Variants in LMOD1 observed in about 807,000 individuals in gnomAD.
The protein encoded by LMOD1 is leiomodin 1.
LMOD1 carries 8 observed loss-of-function variants against 36.5 expected under a neutral mutation model. The observed-to-expected ratio is 0.22, with a 90% CI of 0.13 to 0.40. The LOEUF is 0.40. Among genes scored for constraint, LMOD1 ranks in the 10% least tolerant of loss-of-function variants. LMOD1 has a pLI of 1.00. For synonymous variants in LMOD1, 284 were observed against 288.7 expected (o/e 0.98, Z 0.17); for missense variants, 630 against 751.1 (o/e 0.84, Z 1.88).
At chr1:201,937,319 C>T (rs1394313623) in intron 1 of LMOD1, among the ~76,000 whole-genome samples, 2 of 151,924 alleles carry the variant, frequency 1.3e-5, no homozygotes, top group South Asian at 2.1e-4. Flanking sequence ...CGGTGGGACA[C>T]ACCTGTAGTC....
At chr1:201,941,157 A>G (rs1682109760) in intron 1 of LMOD1, among the ~76,000 whole-genome samples, 1 of 149,960 alleles carries the variant, frequency 6.7e-6, no homozygotes, top group Non-Finnish European at 1.5e-5. Flanking sequence ...GGGTCTTGCT[A>G]TGTTGCCCAG....
chr1:201,943,938 C>A (rs577813818), intron 1 of LMOD1, among the ~76,000 whole-genome samples: 1 of 152,180 alleles, frequency 6.6e-6, no homozygotes, highest in South Asian at 2.1e-4. Flanking sequence ...CACACACTCA[C>A]TATTTTGTTA....
At chr1:201,937,482 C>CA (rs1303689485) in intron 1 of LMOD1, among the ~76,000 whole-genome samples, 1 of 150,942 alleles carries the variant, frequency 6.6e-6, no homozygotes, top group Non-Finnish European at 1.5e-5. Flanking sequence ...AACAAAAAAA[C>CA]AAAAAACACA....
rs1366619807 is a variant in LMOD1, at chr1:201,900,401, C to A, written c.612G>T (p.Lys204Asn). The change falls in exon 2 of 3, where the codon AAG becomes AAT. Residue 204 changes from lysine to asparagine, a missense_variant. Physicochemically the swap from Lys to Asn is moderately conservative, Grantham distance 94. Transcript: ENST00000367288. Reference sequence around the variant, plus strand: ...CCTTCATCTCCTCTCTCTTTTTATCCTTGTCCCTGCTCAAGCCTGTGTTCC... The same window carrying A: ...CCTTCATCTCCTCTCTCTTTTTATCATTGTCCCTGCTCAAGCCTGTGTTCC... ...SDRNTGLSRDKDKKREEMKEV... is the reference protein window; with the variant it reads ...SDRNTGLSRDNDKKREEMKEV... 2 of 1,565,120 alleles carry A rather than the reference C, an allele frequency of 1.3e-6. No homozygotes were observed. The highest frequency in any genetic ancestry group is 1.7e-6 in the Non-Finnish European group (2 of 1,154,146).
At position 201,901,596 on chromosome 1, in the gene LMOD1, G is replaced by A. The variant is rs6660683; in HGVS notation, c.262-845C>T. Among the ~76,000 whole-genome samples the A allele has an allele frequency of 6.5e-4, 41 of 62,898 alleles. 1 individual carries two copies. Among genetic ancestry groups the A allele is most frequent in the African/African-American group, 7.8e-4 (9 of 11,544 alleles). The allele number at this position is 62,898 out of a possible 152,430, so 41.3% of individuals were successfully genotyped here. A position where few individuals can be genotyped will look rare whatever the true frequency, so the allele number is the denominator to read the frequency against. The stretch of plus-strand genomic sequence containing the variant: ...TATATATATATATACATATATATAT[G>A]TATATATATATATACACATATATAT... On this transcript the variant is annotated intron_variant, in intron 1 of 2. Transcript: ENST00000367288.
chr1:201,898,912 G>A (rs907415510), intron 2 of LMOD1, among the ~76,000 whole-genome samples: 7 of 152,302 alleles, frequency 4.6e-5, no homozygotes, highest in South Asian at 2.1e-4. Flanking sequence ...GGAAGGACCC[G>A]AGGCAAAACT....
rs2486754 is a variant in LMOD1 at position 201,932,067 on chromosome 1, G to A, written c.261+14013C>T. Among the ~76,000 whole-genome samples, 3 of 152,160 alleles carry A rather than the reference G, an allele frequency of 2.0e-5. No individual in the cohort carries two copies. The East Asian group carries it at 5.8e-4, about 29-fold the overall frequency. ...GCTGCTGGGTATGTTCAGTAGCTTGGATGCACAATAGAATTGCTAAATGGT... is the reference window on the plus strand; with the variant it reads ...GCTGCTGGGTATGTTCAGTAGCTTGAATGCACAATAGAATTGCTAAATGGT... On this transcript the variant is annotated intron_variant, in intron 1 of 2. Coordinates refer to ENST00000367288, the MANE Select transcript of LMOD1 (RefSeq NM_012134.3).
chr1:201,946,156 A>C lies in LMOD1; in HGVS notation c.185T>G (p.Val62Gly). ...GTTGAGCATGGCCTCCCGGTTGTAC[A>C]CACCCGTGGACTGTTTCTCCGTCTG... ...RNQTEKQSTGVYNREAMLNFC... is the reference protein window; with the variant it reads ...RNQTEKQSTGGYNREAMLNFC... Residue 62 changes from valine to glycine, a missense_variant, in exon 1 of 3, where the codon GTG (valine) becomes GGG (glycine). By Grantham distance (109) the Val-to-Gly change is moderately radical (BLOSUM62 -3). This residue lies in a region of LMOD1 where 405 missense variants were observed against 400.6 expected (regional missense o/e 1.01). Transcript: ENST00000367288. The C allele has an allele frequency of 6.2e-7, 1 of 1,613,908 alleles. No individual in the cohort carries two copies. The highest frequency in any genetic ancestry group is 8.5e-7 in the Non-Finnish European group (1 of 1,179,888).
chr1:201,914,149 G>A (rs1033423949), intron 1 of LMOD1, among the ~76,000 whole-genome samples: 9 of 152,118 alleles, frequency 5.9e-5, no homozygotes, highest in South Asian at 2.1e-4. Flanking sequence ...CCAGTCACAC[G>A]TGCCAGCCAA....
intron 1 of LMOD1, among the ~76,000 whole-genome samples, chr1:201,901,594 ATG>A (rs1418355437): frequency 4.5e-4 from 4 of 8,960 alleles, no homozygotes; most frequent in Non-Finnish European, 7.2e-4. Flanking sequence ...ACATATATAT[ATG>A]TATATATATA....
Position 201,897,963 on chromosome 1 carries a change from G to A in LMOD1, c.*409C>T, listed in dbSNP as rs917498591. 4 of 183,130 alleles carry A rather than the reference G, an allele frequency of 2.2e-5. No homozygotes were observed. The highest frequency in any genetic ancestry group is 6.0e-5 in the Admixed American group (1 of 16,612). 11.3% of individuals were successfully genotyped at this position (183,130 alleles called of 1,614,324 possible). ...GCCACTGGCCCAGCAGCTTTGCCCC[G>A]TGGGCTCCTCAGAGGCCTGAATCCT... On this transcript the variant is annotated 3_prime_UTR_variant, in exon 3 of 3. Coordinates refer to ENST00000367288, the MANE Select transcript of LMOD1 (RefSeq NM_012134.3).
At chr1:201,908,631 A>G (rs1168539224) in intron 1 of LMOD1, among the ~76,000 whole-genome samples, 4 of 152,072 alleles carry the variant, frequency 2.6e-5, no homozygotes, top group Non-Finnish European at 1.5e-5. Context: ...CTTCTTGTGT[A>G]CTTTCCGAGA....
chr1:201,925,680 TC>T (rs67219263), intron 1 of LMOD1, among the ~76,000 whole-genome samples: 3 of 150,662 alleles, frequency 2.0e-5, no homozygotes, highest in African/African-American at 4.9e-5. Flanking sequence ...TTTTTTTTTT[TC>T]AATCTCTTTC....
intron 1 of LMOD1, among the ~76,000 whole-genome samples, chr1:201,907,454 G>T (rs1681429593): frequency 6.6e-6 from 1 of 152,188 alleles, no homozygotes; most frequent in Admixed American, 6.5e-5. Context: ...TCCTATCTGA[G>T]CCCCTGCCCC....
Position 201,900,197 on chromosome 1 carries a change from C to G in LMOD1, c.816G>C (p.Lys272Asn). The G allele has an allele frequency of 1.2e-6, 2 of 1,613,930 alleles. No homozygotes were observed. The highest frequency in any genetic ancestry group is 1.7e-6 in the Non-Finnish European group (2 of 1,179,876). Residue 272 changes from lysine (K) to asparagine (N), a missense_variant, in exon 2 of 3, where the codon AAG (lysine) becomes AAC (asparagine). Lys to Asn is a moderately conservative substitution (Grantham distance 94). Around this residue, in one of 3 missense-constraint regions of LMOD1, gnomAD observed 405 missense variants for 400.6 expected, o/e 1.01. Transcript: ENST00000367288. ...CCTTTTCATGTAAGGGTTCATTCTTCTTGACTTTTTCATCGTCCTTTTTGG... is the reference window on the plus strand; with the variant it reads ...CCTTTTCATGTAAGGGTTCATTCTTGTTGACTTTTTCATCGTCCTTTTTGG... Reference protein sequence around the residue: ...TDTKKDDEKVKKNEPLHEKEA... With the variant: ...TDTKKDDEKVNKNEPLHEKEA...
intron 1 of LMOD1, among the ~76,000 whole-genome samples, chr1:201,931,003 G>A (rs866713306): frequency 3.9e-5 from 6 of 152,234 alleles, no homozygotes; most frequent in African/African-American, 1.2e-4. Flanking sequence ...TGTGCAGTGC[G>A]GGGGCAGAGA....
chr1:201,938,897 G>C (rs1261950183), intron 1 of LMOD1, among the ~76,000 whole-genome samples: 1 of 152,176 alleles, frequency 6.6e-6, no homozygotes, highest in Non-Finnish European at 1.5e-5. Context: ...TGCTGGGGTG[G>C]AAGCCTGCAG....
At chr1:201,934,282 G>A (rs757976293) in intron 1 of LMOD1, among the ~76,000 whole-genome samples, 25 of 152,086 alleles carry the variant, frequency 1.6e-4, no homozygotes, top group Non-Finnish European at 3.4e-4. Context: ...CCTCCCTTCA[G>A]ACCAGCCTAT....
chr1:201,933,033 G>A (rs1681952659), intron 1 of LMOD1, among the ~76,000 whole-genome samples: 1 of 152,166 alleles, frequency 6.6e-6, no homozygotes, highest in South Asian at 2.1e-4. Context: ...TCCCAGACTG[G>A]AAACAACCCA....
Sources: gnomAD v4.1 joint callset for allele counts (sites outside exome capture counted in the v4.1 genomes callset) on GRCh38, gnomAD v4.1.1 for gene constraint, gnomAD v4.1.1 regional missense constraint, MANE v1.5 for transcripts, NCBI Gene and HGNC (gene_info 2026-07-23, HGNC 2026-07-21) for gene names.